SLC24A2: variants seen among roughly 807,000 people sequenced by gnomAD.
The protein encoded by SLC24A2 is solute carrier family 24 member 2.
SLC24A2 carries 36 observed loss-of-function variants against 62.0 expected under a neutral mutation model. The ratio of observed to expected loss-of-function variants is 0.58; its 90% CI spans 0.44 to 0.77. SLC24A2 has a LOEUF of 0.77. Among genes scored for constraint, SLC24A2 ranks in the 30% least tolerant of loss-of-function variants. The pLI is 0.00. For missense variants in SLC24A2, 846 were observed against 817.9 expected, an observed-to-expected ratio of 1.03 and a Z score of -0.42; for synonymous variants, 358 against 294.0, an observed-to-expected ratio of 1.22 and a Z score of -2.23.
chr9:20,224,236 A>C, the SLC24A2 span, among the ~76,000 whole-genome samples: 2 of 152,164 alleles, frequency 1.3e-5, no homozygotes, highest in East Asian at 1.9e-4. Context: ...ATAAGAATTT[A>C]AAATGTTTAG....
chr9:19,980,352 C>T, the SLC24A2 span, among the ~76,000 whole-genome samples: 1 of 152,080 alleles, frequency 6.6e-6, no homozygotes, highest in African/African-American at 2.4e-5. Flanking sequence ...AAAGAAATAC[C>T]AGCACAAAGG....
At chr9:19,884,873 G>T in the SLC24A2 span, among the ~76,000 whole-genome samples, 1 of 152,196 alleles carries the variant, frequency 6.6e-6, no homozygotes, top group Non-Finnish European at 1.5e-5. Flanking sequence ...ATGACGTTCA[G>T]TAGGTTAGGG....
the SLC24A2 span, among the ~76,000 whole-genome samples, chr9:19,895,547 T>TTTC: frequency 0.021 from 837 of 39,266 alleles, 3 homozygotes; most frequent in Non-Finnish European, 0.051. Flanking sequence ...TCTTTCTTTC[T>TTTC]TTTTTTTTTT....
chr9:19,679,342 C>A (rs2118377683), intron 2 of SLC24A2, among the ~76,000 whole-genome samples: 1 of 152,234 alleles, frequency 6.6e-6, no homozygotes, highest in East Asian at 1.9e-4. Flanking sequence ...TAAAACACAC[C>A]TTCCTTAGAG....
Position 19,786,907 on chromosome 9 carries a change from A to G in SLC24A2, c.-41T>C. The G allele has an allele frequency of 1.9e-6, 3 of 1,600,004 alleles. No individual in the cohort carries two copies. The highest frequency in any genetic ancestry group is 2.5e-6 in the Non-Finnish European group (3 of 1,179,224). On this transcript the variant is annotated 5_prime_UTR_variant, in exon 2 of 11. Transcript: ENST00000341998. This position sits in a 1 kb window ranked among gnomAD's most constrained non-coding sequence, Gnocchi z 5.0. ...GGATATGGTGATCTTCCAACTTTAG[A>G]CTCAACCAGATGGTTCTTTCATACT...
chr9:19,771,532 T>G (rs1822688610), intron 2 of SLC24A2, among the ~76,000 whole-genome samples: 1 of 152,220 alleles, frequency 6.6e-6, no homozygotes, highest in African/African-American at 2.4e-5. Flanking sequence ...GCTGCTCATC[T>G]GAATGCTATT....
the SLC24A2 span, among the ~76,000 whole-genome samples, chr9:20,294,164 G>C: frequency 6.6e-6 from 1 of 152,064 alleles, no homozygotes; most frequent in South Asian, 2.1e-4. Flanking sequence ...CCCAGGCACA[G>C]CCACACCCTG....
chr9:19,808,553 T>G, the SLC24A2 span, among the ~76,000 whole-genome samples: 8 of 151,914 alleles, frequency 5.3e-5, no homozygotes, highest in African/African-American at 1.9e-4. This position sits in a 1 kb window ranked among gnomAD's most constrained non-coding sequence, Gnocchi z 4.1. Flanking sequence ...TTAATAGCGG[T>G]TTTGCAAGAT....
the SLC24A2 span, among the ~76,000 whole-genome samples, chr9:20,164,505 G>C: frequency 6.6e-6 from 1 of 150,944 alleles, no homozygotes; most frequent in African/African-American, 2.4e-5. Flanking sequence ...AGAGGATGTG[G>C]AGAAATAGGA....
the SLC24A2 span, among the ~76,000 whole-genome samples, chr9:20,298,349 C>T: frequency 6.6e-6 from 1 of 152,186 alleles, no homozygotes; most frequent in African/African-American, 2.4e-5. Context: ...CTGCCTTGGC[C>T]TCCCAAGTAG....
At chr9:19,877,216 G>A in the SLC24A2 span, among the ~76,000 whole-genome samples, 7 of 150,794 alleles carry the variant, frequency 4.6e-5, no homozygotes, top group Non-Finnish European at 1.0e-4. Flanking sequence ...GGAAATCAGA[G>A]GAAGAACAAT....
At chr9:19,611,458 T>A (rs542480363) in intron 4 of SLC24A2, among the ~76,000 whole-genome samples, 1 of 138,756 alleles carries the variant, frequency 7.2e-6, no homozygotes, top group African/African-American at 2.7e-5. Context: ...GAAGAGAGGA[T>A]AGGAGGAAGA....
At chr9:20,211,110 C>CA in the SLC24A2 span, among the ~76,000 whole-genome samples, 19,707 of 144,830 alleles carry the variant, frequency 0.14, 2,415 homozygotes, top group East Asian at 0.6. Context: ...GAGCTAATGG[C>CA]AAAAAAAAAA....
upstream of SLC24A2, among the ~76,000 whole-genome samples, chr9:19,793,653 G>T (rs1350584892): frequency 6.6e-6 from 1 of 152,176 alleles, no homozygotes; most frequent in Non-Finnish European, 1.5e-5. Context: ...TGAAGAAACT[G>T]AGGCTCAATG....
the SLC24A2 span, among the ~76,000 whole-genome samples, chr9:20,289,241 C>G: frequency 2.6e-3 from 391 of 152,302 alleles, 3 homozygotes; most frequent in Admixed American, 0.023. Flanking sequence ...TTAGCAATAA[C>G]CACAGAAACA....
At chr9:20,032,304 C>G in the SLC24A2 span, among the ~76,000 whole-genome samples, 1 of 152,152 alleles carries the variant, frequency 6.6e-6, no homozygotes, top group Non-Finnish European at 1.5e-5. Flanking sequence ...GAGGAGAGCT[C>G]TCTTGTATAT....
the SLC24A2 span, among the ~76,000 whole-genome samples, chr9:20,117,163 G>A: frequency 6.6e-6 from 1 of 152,110 alleles, no homozygotes; most frequent in Non-Finnish European, 1.5e-5. Flanking sequence ...TTGTAAGCAG[G>A]TGTGGTCAGA....
the SLC24A2 span, among the ~76,000 whole-genome samples, chr9:20,305,709 G>A: frequency 6.6e-6 from 1 of 152,194 alleles, no homozygotes; most frequent in South Asian, 2.1e-4. Flanking sequence ...GTATATAGAT[G>A]AGGACATTGA....
chr9:20,263,769 C>T, the SLC24A2 span, among the ~76,000 whole-genome samples: 2 of 151,556 alleles, frequency 1.3e-5, no homozygotes, highest in African/African-American at 4.9e-5. Context: ...TTCCTTGGTG[C>T]CACTGGGACA....
Sources: allele counts gnomAD v4.1 joint callset (sites outside exome capture counted in the v4.1 genomes callset), GRCh38; gene constraint gnomAD v4.1.1; non-coding constraint Gnocchi (gnomAD v3.1); transcripts MANE v1.5; gene names NCBI Gene and HGNC (gene_info 2026-07-23, HGNC 2026-07-21).